The following KCNH7 variants were observed in gnomAD, a reference collection of about 807,000 sequenced individuals.
The protein encoded by KCNH7 is potassium voltage-gated channel subfamily H member 7.
In KCNH7, 49 loss-of-function variants were observed where a neutral mutation model predicts 120.8. The ratio of observed to expected loss-of-function variants is 0.41; its 90% CI spans 0.32 to 0.51. The LOEUF is 0.51. Among genes scored for constraint, KCNH7 ranks in the 20% least tolerant of loss-of-function variants. KCNH7 has a pLI of 0.38. For synonymous variants in KCNH7, 547 were observed against 516.1 expected, an observed-to-expected ratio of 1.06 and a Z score of -0.81; for missense variants, 1,097 against 1,446.6, an observed-to-expected ratio of 0.76 and a Z score of 3.92.
At chr2:162,431,378 G>T (rs1277760286) in intron 8 of KCNH7, among the ~76,000 whole-genome samples, 1 of 151,954 alleles carries the variant, frequency 6.6e-6, no homozygotes, top group Non-Finnish European at 1.5e-5. Context: ...GGTCTGAGGA[G>T]TATGTGCATA....
chr2:162,446,313 T>C lies in KCNH7; in HGVS notation c.1259A>G (p.Tyr420Cys). The C allele has an allele frequency of 6.2e-7, 1 of 1,613,974 alleles. No individual in the cohort carries two copies. Among genetic ancestry groups the C allele is most frequent in the Non-Finnish European group, 8.5e-7 (1 of 1,179,888 alleles). ...WDWLILLLVI[Y>C]TAIFTPYSAA... Reference sequence around the variant, plus strand: ...AGAGTAGGGAGTAAATATAGCAGTGTATATGACCAACAGCAGGATAAGCCA... The same window carrying C: ...AGAGTAGGGAGTAAATATAGCAGTGCATATGACCAACAGCAGGATAAGCCA... Residue 420 changes from tyrosine (Y) to cysteine (C), a missense_variant, in exon 7 of 16, where the codon TAC becomes TGC. Around this residue, in one of 8 missense-constraint regions of KCNH7, gnomAD observed 109 missense variants for 196.8 expected, o/e 0.55. Transcript: ENST00000332142.
intron 2 of KCNH7, among the ~76,000 whole-genome samples, chr2:162,660,999 G>T (rs1684939566): frequency 6.6e-6 from 1 of 152,034 alleles, no homozygotes; most frequent in Non-Finnish European, 1.5e-5. Context: ...ATTTGACAAG[G>T]AATCTATCTT....
At chr2:162,750,505 C>T (rs1688500942) in intron 2 of KCNH7, among the ~76,000 whole-genome samples, 1 of 152,028 alleles carries the variant, frequency 6.6e-6, no homozygotes, top group South Asian at 2.1e-4. Flanking sequence ...AGATAATTAA[C>T]ATAACCCATA....
At chr2:162,636,551 A>G (rs1259808706) in intron 2 of KCNH7, among the ~76,000 whole-genome samples, 1 of 152,134 alleles carries the variant, frequency 6.6e-6, no homozygotes, top group African/African-American at 2.4e-5. Flanking sequence ...GATTCAAAGC[A>G]TAAGCATTTT....
intron 2 of KCNH7, among the ~76,000 whole-genome samples, chr2:162,679,197 T>C (rs1007094914): frequency 6.6e-6 from 1 of 151,568 alleles, no homozygotes; most frequent in African/African-American, 2.4e-5. Flanking sequence ...ATAAGATTGA[T>C]AGAAAATACT....
chr2:162,545,391 C>A (rs1312528657), intron 2 of KCNH7, among the ~76,000 whole-genome samples: 1 of 152,148 alleles, frequency 6.6e-6, no homozygotes, highest in Admixed American at 6.5e-5. Flanking sequence ...TTGTGTCCTG[C>A]TCCCTCCCTA....
intron 2 of KCNH7, among the ~76,000 whole-genome samples, chr2:162,625,125 G>A (rs1193075943): frequency 8.6e-5 from 13 of 151,816 alleles, no homozygotes; most frequent in Non-Finnish European, 1.5e-4. Context: ...CCGAACTCCC[G>A]ACCTCAAGTT....
chr2:162,543,160 A>C (rs1692369215), intron 2 of KCNH7, among the ~76,000 whole-genome samples: 1 of 152,104 alleles, frequency 6.6e-6, no homozygotes, highest in Non-Finnish European at 1.5e-5. Context: ...TGAACAAATA[A>C]AATAATGTAT....
intron 2 of KCNH7, among the ~76,000 whole-genome samples, chr2:162,670,317 T>C (rs989671830): frequency 6.6e-6 from 1 of 150,718 alleles, no homozygotes; most frequent in Non-Finnish European, 1.5e-5. Flanking sequence ...CTACTAAAAA[T>C]ACAAAAATTA....
intron 6 of KCNH7, among the ~76,000 whole-genome samples, chr2:162,454,927 A>G (rs534666698): frequency 6.6e-6 from 1 of 151,942 alleles, no homozygotes; most frequent in African/African-American, 2.4e-5. Flanking sequence ...AATACGCTTT[A>G]TTTCTTTCTC....
intron 2 of KCNH7, among the ~76,000 whole-genome samples, chr2:162,608,354 C>T (rs1167605255): frequency 6.6e-6 from 1 of 152,116 alleles, no homozygotes; most frequent in Non-Finnish European, 1.5e-5. Flanking sequence ...AAACACAGAA[C>T]CATACAAAAC....
At chr2:162,768,936 A>G (rs1289812859) in intron 2 of KCNH7, 2 of 152,184 alleles carry the variant, frequency 1.3e-5, no homozygotes, top group African/African-American at 4.8e-5. Flanking sequence ...TTGTTTGTAC[A>G]TATTCAGAAC....
intron 2 of KCNH7, among the ~76,000 whole-genome samples, chr2:162,680,678 T>C (rs1417269304): frequency 1.3e-5 from 2 of 151,824 alleles, no homozygotes; most frequent in Non-Finnish European, 1.5e-5. Flanking sequence ...ATTAGAAGTC[T>C]GATTCTGGAG....
chr2:162,560,074 A>G (rs1425146574), intron 2 of KCNH7, among the ~76,000 whole-genome samples: 1 of 152,230 alleles, frequency 6.6e-6, no homozygotes, highest in Admixed American at 6.5e-5. Flanking sequence ...CTTTGGTGAT[A>G]AACTTCGAAA....
chr2:162,550,487 T>C (rs1452410635), intron 2 of KCNH7, among the ~76,000 whole-genome samples: 1 of 152,144 alleles, frequency 6.6e-6, no homozygotes, highest in Non-Finnish European at 1.5e-5. Flanking sequence ...CAGTGGTTGG[T>C]TTCATCTTTC....
intron 8 of KCNH7, among the ~76,000 whole-genome samples, chr2:162,430,908 T>C (rs888162620): frequency 1.3e-5 from 2 of 151,870 alleles, no homozygotes; most frequent in East Asian, 3.9e-4. Context: ...AAAATTATGC[T>C]ATATGTTAGA....
intron 2 of KCNH7, among the ~76,000 whole-genome samples, chr2:162,542,212 G>C (rs1403160561): frequency 6.7e-6 from 1 of 149,974 alleles, no homozygotes; most frequent in African/African-American, 2.5e-5. Context: ...AATTGTTAGT[G>C]GCTGTGATTC....
intron 2 of KCNH7, among the ~76,000 whole-genome samples, chr2:162,782,924 G>A (rs1250700312): frequency 1.3e-5 from 2 of 152,102 alleles, no homozygotes; most frequent in Non-Finnish European, 2.9e-5. Context: ...GATTGGGGAG[G>A]TGAAAGTGGA....
At chr2:162,428,449 C>G (rs1303916305) in intron 8 of KCNH7, among the ~76,000 whole-genome samples, 2 of 151,512 alleles carry the variant, frequency 1.3e-5, no homozygotes, top group Non-Finnish European at 3.0e-5. Context: ...GTTTTGTAGC[C>G]CAGCATATGG....
Sources: allele counts gnomAD v4.1 joint callset (sites outside exome capture counted in the v4.1 genomes callset), GRCh38; gene constraint gnomAD v4.1.1; regional missense constraint gnomAD v4.1.1; transcripts MANE v1.5; gene names NCBI Gene and HGNC (gene_info 2026-07-23, HGNC 2026-07-21).